The following AKAP13 variants were observed in gnomAD, a reference collection of about 807,000 sequenced individuals.
AKAP13 encodes the protein A-kinase anchor protein 13.
A neutral mutation model predicts 264.5 loss-of-function variants in AKAP13; 80 were observed. That is an observed-to-expected ratio of 0.30 (90% CI 0.25 to 0.36). The LOEUF is 0.36. Ranked by LOEUF, AKAP13 falls within the 10% of genes least tolerant of loss-of-function variation. The pLI is 1.00. For missense variants in AKAP13, 3,712 were observed against 3,435.2 expected, an observed-to-expected ratio of 1.08 and a Z score of -2.01; for synonymous variants, 1,380 against 1,250.2, an observed-to-expected ratio of 1.10 and a Z score of -2.19.
intron 2 of AKAP13, among the ~76,000 whole-genome samples, chr15:85,504,118 CA>C (rs1341666082): frequency 6.6e-6 from 1 of 152,086 alleles, no homozygotes; most frequent in African/African-American, 2.4e-5. Context: ...TGGAGAAAAA[CA>C]AGAGAACTGA....
At chr15:85,653,111 A>G (rs1047662647) in intron 10 of AKAP13, among the ~76,000 whole-genome samples, 1 of 152,212 alleles carries the variant, frequency 6.6e-6, no homozygotes, top group Non-Finnish European at 1.5e-5. Flanking sequence ...CCCTTTAGGA[A>G]ACCCCTGAGT....
At chr15:85,737,514 A>T (rs566067248) in intron 33 of AKAP13, among the ~76,000 whole-genome samples, 1 of 152,318 alleles carries the variant, frequency 6.6e-6, no homozygotes, top group East Asian at 1.9e-4. Context: ...TCTCCAAGGA[A>T]CTTTATTTTT....
chr15:85,455,854 G>C (rs1227397160), intron 1 of AKAP13, among the ~76,000 whole-genome samples: 1 of 151,850 alleles, frequency 6.6e-6, no homozygotes, highest in Non-Finnish European at 1.5e-5. Flanking sequence ...TCTTCCATCT[G>C]TTTTATTCTT....
intron 30 of AKAP13, among the ~76,000 whole-genome samples, chr15:85,733,873 C>CTTTTTTTTTTTTTTTTTTTTTTTT (rs72092500): frequency 2.4e-5 from 2 of 82,592 alleles, no homozygotes; most frequent in African/African-American, 5.0e-5. Context: ...TCTTTCTTTT[C>CTTTTTTTTTTTTTTTTTTTTTTTT]TTTTTTTTTT....
intron 1 of AKAP13, among the ~76,000 whole-genome samples, chr15:85,419,298 G>A (rs1316903939): frequency 1.3e-5 from 2 of 152,192 alleles, no homozygotes; most frequent in African/African-American, 4.8e-5. Flanking sequence ...TTTATAAAAT[G>A]CTCTCCTTTT....
chr15:85,513,749 C>T (rs1226322656), intron 2 of AKAP13, among the ~76,000 whole-genome samples: 2 of 152,324 alleles, frequency 1.3e-5, no homozygotes, highest in East Asian at 1.9e-4. Flanking sequence ...ATGTGGAACA[C>T]GTCCACACCC....
At chr15:85,521,128 A>G (rs2076808112) in intron 2 of AKAP13, among the ~76,000 whole-genome samples, 1 of 152,144 alleles carries the variant, frequency 6.6e-6, no homozygotes, top group Admixed American at 6.5e-5. Flanking sequence ...TTTTTAACCC[A>G]TTCATCAAGT....
chr15:85,644,335 G>A (rs1240430814), intron 9 of AKAP13, among the ~76,000 whole-genome samples: 1 of 151,670 alleles, frequency 6.6e-6, no homozygotes, highest in African/African-American at 2.4e-5. Context: ...CCGCTTCCCG[G>A]GTTCAAGCGA....
At chr15:85,562,595 A>T (rs2078428756) in intron 5 of AKAP13, among the ~76,000 whole-genome samples, 1 of 133,340 alleles carries the variant, frequency 7.5e-6, no homozygotes, top group African/African-American at 2.7e-5. Context: ...ATATATATAT[A>T]TATATATATA....
At chr15:85,702,286 G>C (rs964491770) in intron 17 of AKAP13, 5 of 151,910 alleles carry the variant, frequency 3.3e-5, no homozygotes, top group Admixed American at 6.6e-5. Flanking sequence ...GAGTGAAAAG[G>C]ATTGAAAGCA....
chr15:85,722,153 G>C (rs1302557756), intron 24 of AKAP13, 37 bp downstream of exon 24: 2 of 1,612,620 alleles, frequency 1.2e-6, no homozygotes, highest in Non-Finnish European at 1.7e-6. Context: ...CGTTATTGTT[G>C]AGAGCCATGT....
intron 17 of AKAP13, among the ~76,000 whole-genome samples, chr15:85,705,169 T>A (rs1298511477): frequency 6.6e-6 from 1 of 152,248 alleles, no homozygotes; most frequent in Non-Finnish European, 1.5e-5. Context: ...GCTTCTATGT[T>A]CATCTCAGAC....
intron 1 of AKAP13, among the ~76,000 whole-genome samples, chr15:85,449,002 A>G (rs770959964): frequency 2.0e-5 from 3 of 152,046 alleles, no homozygotes; most frequent in Non-Finnish European, 2.9e-5. Flanking sequence ...CAGTATACCC[A>G]TTTTAATGAT....
intron 17 of AKAP13, among the ~76,000 whole-genome samples, chr15:85,697,020 C>CA (rs1226094955): frequency 1.3e-5 from 2 of 152,152 alleles, no homozygotes; most frequent in Non-Finnish European, 2.9e-5. Flanking sequence ...TGTGCTAGAA[C>CA]TTCAGGCTAA....
intron 8 of AKAP13, among the ~76,000 whole-genome samples, chr15:85,631,882 T>G (rs1178295636): frequency 3.9e-5 from 6 of 152,246 alleles, no homozygotes; most frequent in Middle Eastern, 3.4e-3. Flanking sequence ...AAAAGAAATA[T>G]ATAACCATTG....
intron 30 of AKAP13, among the ~76,000 whole-genome samples, chr15:85,732,811 ATAC>A (rs2088152500): frequency 6.6e-6 from 1 of 150,772 alleles, no homozygotes. Flanking sequence ...CTATTAACTA[ATAC>A]TAATTTACTA....
chr15:85,739,348 T>C (rs1254365883), intron 33 of AKAP13, among the ~76,000 whole-genome samples: 1 of 152,254 alleles, frequency 6.6e-6, no homozygotes, highest in Non-Finnish European at 1.5e-5. Flanking sequence ...TATTTTATTT[T>C]GCATTTATTT....
rs144992317 is a variant in AKAP13, at chr15:85,673,994, A to G, written c.5101+4164A>G. Among the ~76,000 whole-genome samples, 424 of 152,006 alleles carry G rather than the reference A, an allele frequency of 2.8e-3. 3 individuals are homozygous for G. The highest frequency in any genetic ancestry group is 9.6e-3 in the African/African-American group (396 of 41,454). ...GCGTGAGCCACCGTGCCCGACCCAGATGATCCCTTTCTATGGCTGTATTTT... is the reference window on the plus strand; with the variant it reads ...GCGTGAGCCACCGTGCCCGACCCAGGTGATCCCTTTCTATGGCTGTATTTT... On this transcript the variant is annotated intron_variant, in intron 14 of 36. Transcript: ENST00000394518.
chr15:85,649,727 G>A (rs1041509639), intron 10 of AKAP13, among the ~76,000 whole-genome samples: 6 of 152,148 alleles, frequency 3.9e-5, no homozygotes, highest in African/African-American at 1.2e-4. Flanking sequence ...TCATGAATAT[G>A]TGTGGGTTCC....
Sources: gnomAD v4.1 joint callset for allele counts (sites outside exome capture counted in the v4.1 genomes callset) on GRCh38, gnomAD v4.1.1 for gene constraint, MANE v1.5 for transcripts, NCBI Gene and HGNC (gene_info 2026-07-23, HGNC 2026-07-21) for gene names.